CAPZA1: variants seen among roughly 807,000 people sequenced by gnomAD.
CAPZA1 encodes the protein capping actin protein of muscle Z-line subunit alpha 1, also known as F-actin-capping protein subunit alpha-1.
Under a neutral mutation model 40.8 loss-of-function variants are expected in CAPZA1, and 10 were observed. The ratio of observed to expected loss-of-function variants is 0.25; its 90% CI spans 0.15 to 0.42. The LOEUF (loss-of-function observed/expected upper bound fraction) is 0.42, where lower values mean the gene tolerates loss of function less well. Among genes scored for constraint, CAPZA1 ranks in the 10% least tolerant of loss-of-function variants. CAPZA1 has a pLI of 1.00. For missense variants in CAPZA1, 277 were observed against 353.8 expected (o/e 0.78, Z 1.74); for synonymous variants, 98 against 115.0 (o/e 0.85, Z 0.95).
At chr1:112,669,680 T>C (rs1301412165) in intron 9 of CAPZA1, 75 bp downstream of exon 9, 1 of 1,069,824 alleles carries the variant, frequency 9.3e-7, no homozygotes, top group East Asian at 2.4e-5. Flanking sequence ...TGTTAGGCCT[T>C]GTGTCCTTTA....
In CAPZA1 at chr1:112,654,820, G is replaced by A. The variant is rs549071291; in HGVS notation, c.426+149G>A. The A allele has an allele frequency of 1.7e-3, 856 of 497,180 alleles. 3 individuals carry two copies. The highest frequency in any genetic ancestry group is 0.016 in the African/African-American group (795 of 50,992). The allele number at this position is 497,180 out of a possible 1,614,324, so 30.8% of individuals were successfully genotyped here. On this transcript the variant is annotated intron_variant, in intron 5 of 9. Coordinates refer to ENST00000263168, the MANE Select transcript of CAPZA1 (RefSeq NM_006135.3). ...TTATTCCCTAAATCATTTTGGAAAG[G>A]GGTATAAATGAAATTTTTATATGGA...
At chr1:112,649,566 T>C in intron 3 of CAPZA1, 97 bp downstream of exon 3, 5 of 999,068 alleles carry the variant, frequency 5.0e-6, no homozygotes, top group Non-Finnish European at 6.2e-6. Flanking sequence ...TTTAAAATAC[T>C]TCAAAGTAAA....
At chr1:112,658,883 T>C (rs1264504936) in intron 5 of CAPZA1, 139 bp from the exon 6 acceptor site, 9 of 637,152 alleles carry the variant, frequency 1.4e-5, no homozygotes, top group African/African-American at 5.4e-5. Flanking sequence ...TCATATCCCA[T>C]GTGCACTATT....
At chr1:112,625,563 G>GGT (rs1670789278) in intron 1 of CAPZA1, among the ~76,000 whole-genome samples, 1 of 152,208 alleles carries the variant, frequency 6.6e-6, no homozygotes, top group African/African-American at 2.4e-5. Context: ...AGAGTGAAGA[G>GGT]GTACCTCGAG....
intron 7 of CAPZA1, among the ~76,000 whole-genome samples, chr1:112,660,840 T>C (rs998031020): frequency 3.7e-5 from 1 of 27,084 alleles, no homozygotes; most frequent in South Asian, 1.5e-3. Context: ...AGAGTTGTCT[T>C]TTTTTTTTTT....
intron 7 of CAPZA1, among the ~76,000 whole-genome samples, chr1:112,660,939 C>T (rs1164034333): frequency 6.8e-6 from 1 of 147,188 alleles, no homozygotes; most frequent in Admixed American, 6.9e-5. Flanking sequence ...CTCACTGCAA[C>T]CTCTGCCTCC....
At chr1:112,647,086 G>A in intron 1 of CAPZA1, 124 bp from the exon 2 acceptor site, 1 of 469,422 alleles carries the variant, frequency 2.1e-6, no homozygotes, top group East Asian at 3.3e-5. Flanking sequence ...CTCCTAAACA[G>A]TAAATGTTTA....
At position 112,656,434 on chromosome 1, in the gene CAPZA1, T is replaced by C. The variant is rs954648303; in HGVS notation, c.426+1763T>C. On this transcript the variant is annotated intron_variant, in intron 5 of 9. Coordinates refer to ENST00000263168, the MANE Select transcript of CAPZA1 (RefSeq NM_006135.3). ...ATGAATGTTAGGCTAGGTGTCATTA[T>C]GTTTGATTTTTTTTTTTTTTTTTTT... Among the ~76,000 whole-genome samples, 3 of 133,884 alleles carry C rather than the reference T, an allele frequency of 2.2e-5. No individual in the cohort carries two copies. In the Admixed American group the frequency reaches 2.5e-4, roughly 11 times the overall value. 87.8% of individuals were successfully genotyped at this position (133,884 alleles called of 152,430 possible). A position where few individuals can be genotyped will look rare whatever the true frequency, so the allele number is the denominator to read the frequency against.
chr1:112,650,136 T>G (rs952408856), intron 3 of CAPZA1: 1 of 152,310 alleles, frequency 6.6e-6, no homozygotes, highest in Non-Finnish European at 1.5e-5. Context: ...TCAGAGTTCC[T>G]TTGTAAAGAG....
intron 1 of CAPZA1, among the ~76,000 whole-genome samples, chr1:112,624,005 CA>C (rs749422218): frequency 1.1e-3 from 84 of 74,786 alleles, no homozygotes; most frequent in African/African-American, 4.0e-3. Flanking sequence ...GACTCCATCT[CA>C]AAAAAAAAAA....
chr1:112,653,711 T>C, intron 4 of CAPZA1, 50 bp downstream of exon 4: 1 of 1,254,934 alleles, frequency 8.0e-7, no homozygotes, highest in Non-Finnish European at 1.1e-6. Context: ...GTAGAGATCC[T>C]ATTAATGGAA....
intron 1 of CAPZA1, among the ~76,000 whole-genome samples, chr1:112,638,400 C>T (rs1040439730): frequency 1.2e-4 from 18 of 151,976 alleles, no homozygotes; most frequent in African/African-American, 3.9e-4. Context: ...CTGCAACCTC[C>T]GTCTCCTGGG....
At chr1:112,652,387 G>T (rs925022490) in intron 3 of CAPZA1, among the ~76,000 whole-genome samples, 2 of 149,274 alleles carry the variant, frequency 1.3e-5, no homozygotes, top group African/African-American at 4.9e-5. Context: ...GCTGAGGCAG[G>T]AGAATCGCTT....
chr1:112,644,795 C>T (rs1261589411), intron 1 of CAPZA1, among the ~76,000 whole-genome samples: 4 of 152,250 alleles, frequency 2.6e-5, no homozygotes, highest in African/African-American at 9.6e-5. Flanking sequence ...ATTATCATTA[C>T]TAGCATTATT....
chr1:112,647,835 A>G (rs1452564057), intron 2 of CAPZA1, among the ~76,000 whole-genome samples: 1 of 152,248 alleles, frequency 6.6e-6, no homozygotes, highest in Non-Finnish European at 1.5e-5. Flanking sequence ...ACAATTAAAT[A>G]CATTTACAAC....
At chr1:112,653,802 A>AT in intron 4 of CAPZA1, 141 bp downstream of exon 4, 1 of 588,498 alleles carries the variant, frequency 1.7e-6, no homozygotes, top group Admixed American at 3.1e-5. Context: ...ACGTGTTAGG[A>AT]TATTCTTCTC....
chr1:112,652,625 C>T (rs906558544), intron 3 of CAPZA1, among the ~76,000 whole-genome samples: 3 of 151,588 alleles, frequency 2.0e-5, no homozygotes, highest in Admixed American at 1.3e-4. Context: ...GTTGAGTTTT[C>T]ACATGCATGT....
chr1:112,661,902 A>T (rs1444323871), intron 7 of CAPZA1, among the ~76,000 whole-genome samples: 2 of 152,168 alleles, frequency 1.3e-5, no homozygotes, highest in African/African-American at 2.4e-5. Context: ...ATATCTTTTA[A>T]ATTTTGGAGT....
intron 8 of CAPZA1, among the ~76,000 whole-genome samples, chr1:112,668,319 C>A (rs777107550): frequency 6.6e-6 from 1 of 151,832 alleles, no homozygotes; most frequent in Non-Finnish European, 1.5e-5. Flanking sequence ...TAAAACTATT[C>A]GTTAATTAAA....
Sources: allele counts gnomAD v4.1 joint callset (sites outside exome capture counted in the v4.1 genomes callset), GRCh38; gene constraint gnomAD v4.1.1; transcripts MANE v1.5; gene names NCBI Gene and HGNC (gene_info 2026-07-23, HGNC 2026-07-21).